CSMD2: variants seen among roughly 807,000 people sequenced by gnomAD.
CSMD2 encodes CUB and sushi domain-containing protein 2.
A neutral mutation model predicts 398.5 loss-of-function variants in CSMD2; 130 were observed. The ratio of observed to expected loss-of-function variants is 0.33; its 90% CI spans 0.28 to 0.38. CSMD2 has a LOEUF of 0.38. CSMD2 is among the 10% of genes least tolerant of loss of function. The pLI is 1.00. For synonymous variants in CSMD2, 1,828 were observed against 1,908.5 expected (o/e 0.96, Z 1.10); for missense variants, 3,829 against 4,764.9 (o/e 0.80, Z 5.78).
At chr1:33,577,849 C>G (rs548859846) in intron 48 of CSMD2, among the ~76,000 whole-genome samples, 1 of 152,148 alleles carries the variant, frequency 6.6e-6, no homozygotes, top group Non-Finnish European at 1.5e-5. Context: ...CAGAAAGCTG[C>G]GACTGCGGGG....
intron 3 of CSMD2, among the ~76,000 whole-genome samples, chr1:34,005,974 A>G (rs772507273): frequency 3.7e-4 from 57 of 152,324 alleles, no homozygotes; most frequent in Non-Finnish European, 7.6e-4. Flanking sequence ...AGACATCACT[A>G]ATTGATCTCT....
At chr1:33,749,001 GAA>G (rs1289078269) in intron 13 of CSMD2, among the ~76,000 whole-genome samples, 3 of 142,342 alleles carry the variant, frequency 2.1e-5, no homozygotes, top group Non-Finnish European at 4.6e-5. Flanking sequence ...AAAGAACAAA[GAA>G]AAATCCATAA....
At chr1:33,615,100 T>C (rs1159198551) in intron 39 of CSMD2, among the ~76,000 whole-genome samples, 1 of 152,144 alleles carries the variant, frequency 6.6e-6, no homozygotes, top group Non-Finnish European at 1.5e-5. Flanking sequence ...CAAATATATA[T>C]TTCAGGGGGC....
At chr1:33,578,058 G>T (rs1638420366) in intron 48 of CSMD2, among the ~76,000 whole-genome samples, 1 of 152,112 alleles carries the variant, frequency 6.6e-6, no homozygotes, top group Admixed American at 6.5e-5. Flanking sequence ...ACAGCATGGG[G>T]CACTCACTGT....
intron 19 of CSMD2, among the ~76,000 whole-genome samples, chr1:33,718,469 C>CCAAGTGAGT (rs1024622266): frequency 6.6e-6 from 1 of 152,196 alleles, no homozygotes; most frequent in African/African-American, 2.4e-5. Flanking sequence ...CAGAATCACA[C>CCAAGTGAGT]CAAGTGAGTA....
chr1:33,916,621 G>C (rs897888244), intron 5 of CSMD2, among the ~76,000 whole-genome samples: 24 of 152,194 alleles, frequency 1.6e-4, no homozygotes, highest in African/African-American at 5.8e-4. Flanking sequence ...CTTCCTGTGA[G>C]AAGCTCATGG....
At chr1:33,969,795 AG>A (rs1468340246) in intron 3 of CSMD2, among the ~76,000 whole-genome samples, 1 of 151,306 alleles carries the variant, frequency 6.6e-6, no homozygotes, top group Non-Finnish European at 1.5e-5. Context: ...GGCTTTCCTC[AG>A]ATCACACTAA....
chr1:33,767,512 G>C (rs1201613875), intron 13 of CSMD2, among the ~76,000 whole-genome samples: 1 of 152,104 alleles, frequency 6.6e-6, no homozygotes, highest in African/African-American at 2.4e-5. Context: ...TTTAACCTTA[G>C]CAGGATCATC....
At chr1:33,804,961 C>A (rs1413136037) in intron 10 of CSMD2, 1 of 709,270 alleles carries the variant, frequency 1.4e-6, no homozygotes, top group East Asian at 2.7e-5. Context: ...TGAAGCCCAC[C>A]AAGGCCCCAC....
At chr1:34,093,854 A>T (rs1363071746) in intron 1 of CSMD2, among the ~76,000 whole-genome samples, 1 of 152,182 alleles carries the variant, frequency 6.6e-6, no homozygotes, top group African/African-American at 2.4e-5. Context: ...ATCCCGGAGA[A>T]TTTCCCCAAT....
chr1:33,569,294 G>T (rs2148685164), intron 52 of CSMD2, 80 bp downstream of exon 52: 3 of 1,414,484 alleles, frequency 2.1e-6, no homozygotes, highest in Non-Finnish European at 2.9e-6. Context: ...ACTGTTTAAA[G>T]ACTGGATCTC....
In CSMD2 at chr1:33,633,793, T is replaced by C. The variant is rs140350893; in HGVS notation, c.5087-258A>G. On this transcript the variant is annotated intron_variant, in intron 31 of 70. Transcript: ENST00000373381. The surrounding 1 kb of genome is among the most constrained non-coding windows in gnomAD (Gnocchi z 5.0). The stretch of plus-strand genomic sequence containing the variant: ...CAACATGGAGGGCTGCACCCAAAGG[T>C]CAGGCGGGTAGAGGCGAAATGGAGC... 1.3e-5 allele frequency among the ~76,000 whole-genome samples: 2 copies of C among 152,068 alleles called. No individual in the cohort carries two copies. Among genetic ancestry groups the C allele is most frequent in the African/African-American group, 4.8e-5 (2 of 41,498 alleles).
At chr1:33,851,665 C>G (rs1638717134) in intron 5 of CSMD2, among the ~76,000 whole-genome samples, 1 of 152,190 alleles carries the variant, frequency 6.6e-6, no homozygotes, top group African/African-American at 2.4e-5. Flanking sequence ...CAAACCTAAG[C>G]CACCTCTCAT....
chr1:33,940,463 C>A (rs913872367), intron 3 of CSMD2, among the ~76,000 whole-genome samples: 3 of 151,822 alleles, frequency 2.0e-5, no homozygotes, highest in Non-Finnish European at 1.5e-5. Context: ...CGTTTCAGGT[C>A]CTGGACTAAA....
intron 3 of CSMD2, among the ~76,000 whole-genome samples, chr1:34,007,871 G>C (rs1006645841): frequency 6.6e-6 from 1 of 152,016 alleles, no homozygotes; most frequent in Non-Finnish European, 1.5e-5. Context: ...TCTTCTTTGT[G>C]CTCTTGTGAA....
chr1:33,777,869 C>G lies in CSMD2; in HGVS notation c.1664-5118G>C, dbSNP rs1244179505. On this transcript the variant is annotated intron_variant, in intron 12 of 70. Transcript: ENST00000373381. ...ATTTCTAATACCAAATTGGAATCGT[C>G]TTTTATGAAAATGTCTGTACAGAAG... Among the ~76,000 whole-genome samples the G allele has an allele frequency of 2.6e-5, 4 of 152,260 alleles. No individual in the cohort carries two copies. The East Asian group carries it at 7.7e-4, about 29-fold the overall frequency.
intron 2 of CSMD2, among the ~76,000 whole-genome samples, chr1:34,035,075 G>T (rs1650944530): frequency 6.6e-6 from 1 of 152,092 alleles, no homozygotes; most frequent in South Asian, 2.1e-4. Context: ...ATGATAATAA[G>T]GAAATACTAC....
In CSMD2 at chr1:33,894,208, A is replaced by T. The variant is rs148217966; in HGVS notation, c.920+23886T>A. Among the ~76,000 whole-genome samples, 255 of 152,242 alleles carry T rather than the reference A, an allele frequency of 1.7e-3. 5 individuals are homozygous for T. The East Asian group carries it at 0.037, about 22-fold the overall frequency. On this transcript the variant is annotated intron_variant, in intron 5 of 70. Transcript: ENST00000373381. ...TTTAGTGAGCTGGGTCTCACTCCAG[A>T]GCTGCCTAGGCCCCCAGTGTTACAG... is the stretch of plus-strand genomic sequence containing the variant.
chr1:33,928,933 C>A (rs1197874858), intron 4 of CSMD2, among the ~76,000 whole-genome samples: 1 of 152,220 alleles, frequency 6.6e-6, no homozygotes, highest in Non-Finnish European at 1.5e-5. Flanking sequence ...TCCCAGATCT[C>A]TTTCTAGCTT....
Sources: allele counts gnomAD v4.1 joint callset (sites outside exome capture counted in the v4.1 genomes callset), GRCh38; gene constraint gnomAD v4.1.1; non-coding constraint Gnocchi (gnomAD v3.1); transcripts MANE v1.5; gene names NCBI Gene and HGNC (gene_info 2026-07-23, HGNC 2026-07-21).